KANK3: variants seen among roughly 807,000 people sequenced by gnomAD.
KANK3 encodes the protein KN motif and ankyrin repeat domain-containing protein 3.
In KANK3, 61 loss-of-function variants were observed where a neutral mutation model predicts 65.4. The observed-to-expected ratio is 0.93, with a 90% CI of 0.76 to 1.15. The LOEUF is 1.15. Ranked by LOEUF, KANK3 falls within the 50% of genes most tolerant of loss-of-function variation. KANK3 has a pLI of 0.00. For missense variants in KANK3, 1,187 were observed against 1,178.8 expected, an observed-to-expected ratio of 1.01 and a Z score of -0.10; for synonymous variants, 586 against 543.3, an observed-to-expected ratio of 1.08 and a Z score of -1.09.
Position 8,325,296 on chromosome 19 carries a change from C to CTTTT in KANK3, c.1937-204_1937-201dup, listed in dbSNP as rs573315741. On this transcript the variant is annotated intron_variant, in intron 7 of 10. Transcript: ENST00000330915. ...TCAGTGAAGGACCTTCCTGTTTCAT[C>CTTTT]TTTTTTTTTTTTTTTTTTTTTTTTT... Among the ~76,000 whole-genome samples, 74 of 78,636 alleles carry CTTTT rather than the reference C, an allele frequency of 9.4e-4. 9 individuals carry two copies. The highest frequency in any genetic ancestry group is 3.2e-3 in the African/African-American group (59 of 18,660). The allele number at this position is 78,636 out of a possible 152,430, so 51.6% of individuals were successfully genotyped here.
intron 7 of KANK3, among the ~76,000 whole-genome samples, chr19:8,332,169 T>TTTTTG (rs1314639326): frequency 2.6e-5 from 4 of 151,294 alleles, no homozygotes; most frequent in East Asian, 2.0e-4. Flanking sequence ...AGTTTCTGCT[T>TTTTTG]TTTTGTTTTG....
At chr19:8,341,145 C>T (rs182972845) in intron 1 of KANK3, among the ~76,000 whole-genome samples, 3 of 152,092 alleles carry the variant, frequency 2.0e-5, no homozygotes, top group Admixed American at 2.0e-4. Context: ...ATGGATCCCT[C>T]CAGAATGTCA....
In KANK3 at chr19:8,324,754, G is replaced by T. The variant is rs749369061; in HGVS notation, c.2159C>A (p.Ala720Asp). ...DMVATLLACG[A>D]DVNAQDADGA... ...ATCCGCATCCTGCGCATTCACATCA[G>T]CCCCACACGCCAGTAGGGTTGCCAC... Residue 720 changes from alanine (A) to aspartate (D), a missense_variant, in exon 9 of 11, where the codon GCT becomes GAT. By Grantham distance (126) the Ala-to-Asp change is moderately radical. Coordinates refer to ENST00000330915, the MANE Select transcript of KANK3 (RefSeq NM_198471.3). 6.2e-7 allele frequency: 1 copy of T among 1,614,062 alleles called. No individual in the cohort carries two copies. The highest frequency in any genetic ancestry group is 1.1e-5 in the South Asian group (1 of 91,084).
chr19:8,330,715 C>T (rs1053683911), intron 7 of KANK3, among the ~76,000 whole-genome samples: 3 of 135,816 alleles, frequency 2.2e-5, no homozygotes, highest in Admixed American at 1.5e-4. Flanking sequence ...GCAAAAAGGG[C>T]GAAACTCCAT....
At chr19:8,323,557 C>T (rs573790867) in intron 10 of KANK3, 4 of 150,446 alleles carry the variant, frequency 2.7e-5, no homozygotes, top group Non-Finnish European at 5.9e-5. Context: ...CAGAACGAGA[C>T]TCTTGTCTTC....
At chr19:8,331,125 G>A (rs553490867) in intron 7 of KANK3, among the ~76,000 whole-genome samples, 37 of 151,652 alleles carry the variant, frequency 2.4e-4, no homozygotes, top group Non-Finnish European at 2.9e-4. Flanking sequence ...CCCGGGAGGC[G>A]TAGGTTGCAG....
At position 8,322,749 on chromosome 19, in the gene KANK3, G is replaced by A. The variant is rs2145406387; in HGVS notation, c.*90C>T. On this transcript the variant is annotated 3_prime_UTR_variant, in exon 11 of 11. Transcript: ENST00000330915. ...TCGGCCAGTGTTAGCCTCTGAGCAGGGGACCCTGGACCCTTCTGTGCGCCA... is the reference window on the plus strand; with the variant it reads ...TCGGCCAGTGTTAGCCTCTGAGCAGAGGACCCTGGACCCTTCTGTGCGCCA... 1 of 952,718 alleles carries A rather than the reference G, an allele frequency of 1.0e-6. No homozygotes were observed. The highest frequency in any genetic ancestry group is 1.6e-6 in the Non-Finnish European group (1 of 620,678). 59.0% of individuals were successfully genotyped at this position (952,718 alleles called of 1,614,324 possible). A position where few individuals can be genotyped will look rare whatever the true frequency, so the allele number is the denominator to read the frequency against.
At chr19:8,336,347 G>A (rs545115137) in intron 2 of KANK3, among the ~76,000 whole-genome samples, 6 of 151,270 alleles carry the variant, frequency 4.0e-5, no homozygotes, top group Non-Finnish European at 8.8e-5. Context: ...TGAGGCAGGA[G>A]AATCACTTGA....
In KANK3 at chr19:8,333,260, G is replaced by A; in HGVS notation, c.1720-30C>T. On this transcript the variant is annotated intron_variant, in intron 6 of 10. Coordinates refer to ENST00000330915, the MANE Select transcript of KANK3 (RefSeq NM_198471.3). The surrounding 1 kb of genome is among the most constrained non-coding windows in gnomAD (Gnocchi z 5.0). ...AAGGGACAGGGGCCAAGATAACATC[G>A]GCGATGGTCCACGGCGGCGCCGTGG... The A allele has an allele frequency of 1.3e-6, 2 of 1,569,970 alleles. No individual in the cohort carries two copies. The highest frequency in any genetic ancestry group is 2.3e-5 in the East Asian group (1 of 44,374).
intron 7 of KANK3, among the ~76,000 whole-genome samples, chr19:8,330,121 G>T (rs1005272470): frequency 2.0e-5 from 3 of 152,148 alleles, no homozygotes; most frequent in African/African-American, 7.2e-5. Context: ...AGGGTGAAAG[G>T]TCTGGAAGTG....
In KANK3 at chr19:8,337,987, C is replaced by T. The variant is rs554549322; in HGVS notation, c.-28-131G>A. 184 of 1,433,776 alleles carry T rather than the reference C, an allele frequency of 1.3e-4. No homozygotes were observed. The African/African-American group carries it at 2.4e-3, about 19-fold the overall frequency. The allele number at this position is 1,433,776 out of a possible 1,614,324, so 88.8% of individuals were successfully genotyped here. The stretch of plus-strand genomic sequence containing the variant: ...AGCCACCTCCCTCCACACATGGCCT[C>T]TCCTTCCTCTTCCCTAAAGAAACCT... On this transcript the variant is annotated intron_variant, in intron 1 of 10. Transcript: ENST00000330915.
rs1281198744 is a variant in KANK3 at position 8,335,022 on chromosome 19, C to A, written c.805G>T (p.Ala269Ser). 2 of 1,440,678 alleles carry A rather than the reference C, an allele frequency of 1.4e-6. No homozygotes were observed. Among genetic ancestry groups the A allele is most frequent in the Non-Finnish European group, 9.0e-7 (1 of 1,105,990 alleles). The allele number at this position is 1,440,678 out of a possible 1,614,324, so 89.2% of individuals were successfully genotyped here. ...GCAGCCAGGCCGTCTGGGCTGTCAG[C>A]CCGGGGGCTGGCCCTGGCACGGCCG... ...RGGRARASPR[A>S]DSPDGLAAGR... The change falls in exon 3 of 11, where the codon GCT (alanine) becomes TCT (serine). Residue 269 changes from alanine to serine, a missense_variant. By Grantham distance (99) the Ala-to-Ser change is moderately conservative (BLOSUM62 1). Transcript: ENST00000330915.
rs565395173 is a variant in KANK3, at chr19:8,325,097, C to T, written c.1937-1G>A. On this transcript the variant is annotated splice_acceptor_variant, in intron 7 of 10. Transcript: ENST00000330915. LOFTEE classifies it high-confidence loss of function. ...TTCTGGCGGTTGACCTCGCAGGCCCCTGGGAGAGAAAAGGGGGCCGTCCAC... is the reference window on the plus strand; with the variant it reads ...TTCTGGCGGTTGACCTCGCAGGCCCTTGGGAGAGAAAAGGGGGCCGTCCAC... 3 of 1,609,060 alleles carry T rather than the reference C, an allele frequency of 1.9e-6. No homozygotes were observed. The highest frequency in any genetic ancestry group is 1.1e-5 in the South Asian group (1 of 90,800).
chr19:8,324,047 T>TA (rs1233974514), intron 10 of KANK3, among the ~76,000 whole-genome samples: 1 of 152,166 alleles, frequency 6.6e-6, no homozygotes, highest in Non-Finnish European at 1.5e-5. Context: ...TCTGTGACCT[T>TA]AGGTTACTTC....
In KANK3 at chr19:8,335,796, G is replaced by A; in HGVS notation, c.35-4C>T. On this transcript the variant is annotated splice_region_variant and splice_polypyrimidine_tract_variant and intron_variant, in intron 2 of 10. Coordinates refer to ENST00000330915, the MANE Select transcript of KANK3 (RefSeq NM_198471.3). Reference sequence around the variant, plus strand: ...CACAGGCGGGGGCCGCCCAGGTCTGGAGGCACGACGGGGGCACGGGGAGGG... The same window carrying A: ...CACAGGCGGGGGCCGCCCAGGTCTGAAGGCACGACGGGGGCACGGGGAGGG... The A allele has an allele frequency of 8.1e-7, 1 of 1,233,300 alleles. No homozygotes were observed. Among genetic ancestry groups the A allele is most frequent in the Non-Finnish European group, 1.0e-6 (1 of 986,614 alleles). 76.4% of individuals were successfully genotyped at this position (1,233,300 alleles called of 1,614,324 possible).
chr19:8,322,805 C>T lies in KANK3; in HGVS notation c.*34G>A. On this transcript the variant is annotated 3_prime_UTR_variant, in exon 11 of 11. Transcript: ENST00000330915. ...TGAGGTGACTGACGAGGAGATCTCC[C>T]CACAGCTAGGTGTAGTGAGCCAGAC... 1 of 1,524,208 alleles carries T rather than the reference C, an allele frequency of 6.6e-7. No individual in the cohort carries two copies. The highest frequency in any genetic ancestry group is 9.1e-7 in the Non-Finnish European group (1 of 1,101,820). The allele number at this position is 1,524,208 out of a possible 1,614,324, so 94.4% of individuals were successfully genotyped here. A position where few individuals can be genotyped will look rare whatever the true frequency, so the allele number is the denominator to read the frequency against.
chr19:8,341,681 G>C (rs1259675505), intron 1 of KANK3, among the ~76,000 whole-genome samples: 2 of 152,154 alleles, frequency 1.3e-5, no homozygotes, highest in African/African-American at 2.4e-5. Context: ...GTAGATACAG[G>C]TGTCTTGCTA....
chr19:8,332,987 T>TGCC, intron 7 of KANK3, 27 bp downstream of exon 7: 3 of 395,194 alleles, frequency 7.6e-6, no homozygotes, highest in Non-Finnish European at 1.4e-5. Context: ...TTTCCTGGTG[T>TGCC]CCCACCCACC....
intron 1 of KANK3, among the ~76,000 whole-genome samples, chr19:8,339,886 T>G (rs1228451281): frequency 6.9e-6 from 1 of 145,862 alleles, no homozygotes; most frequent in Non-Finnish European, 1.5e-5. Flanking sequence ...ATCTCTTGAG[T>G]CCAGGAGATG....
Sources: gnomAD v4.1 joint callset for allele counts (sites outside exome capture counted in the v4.1 genomes callset) on GRCh38, gnomAD v4.1.1 for gene constraint, Gnocchi (gnomAD v3.1) non-coding constraint, MANE v1.5 for transcripts, NCBI Gene and HGNC (gene_info 2026-07-23, HGNC 2026-07-21) for gene names.